CACNA2D4: variants seen among roughly 807,000 people sequenced by gnomAD.
CACNA2D4 encodes the protein calcium voltage-gated channel auxiliary subunit alpha2delta 4.
In CACNA2D4, 157 loss-of-function variants were observed where a neutral mutation model predicts 163.8. That is an observed-to-expected ratio of 0.96 (90% CI 0.84 to 1.09). CACNA2D4 has a LOEUF of 1.09. CACNA2D4 is among the 50% of genes least tolerant of loss of function. The pLI, the probability that CACNA2D4 is intolerant of heterozygous loss-of-function variation, is 0.00. For missense variants in CACNA2D4, 1,410 were observed against 1,479.9 expected (o/e 0.95, Z 0.78); for synonymous variants, 598 against 586.9 (o/e 1.02, Z -0.27).
chr12:1,904,319 A>G (rs1376405668), intron 6 of CACNA2D4, among the ~76,000 whole-genome samples: 1 of 152,050 alleles, frequency 6.6e-6, no homozygotes, highest in African/African-American at 2.4e-5. Flanking sequence ...CAACAGGGTA[A>G]CTATAGTTAG....
At position 1,860,169 on chromosome 12, in the gene CACNA2D4, G is replaced by A. The variant is rs368279074; in HGVS notation, c.1916C>T (p.Thr639Met). ...CCTGAAAGGGGTGTCGCTGATGTCC[G>A]TGAAGAAGTAGTCATTGGTCAGGAA... ...VLFLTNDYFF[T>M]DISDTPFSLG... The change falls in exon 19 of 38, where the codon ACG becomes ATG. Residue 639 changes from threonine (T) to methionine (M), a missense_variant. Transcript: ENST00000382722. 8.7e-6 allele frequency: 14 copies of A among 1,613,530 alleles called. No individual in the cohort carries two copies. Among genetic ancestry groups the A allele is most frequent in the African/African-American group, 1.3e-5 (1 of 74,926 alleles).
chr12:1,855,950 C>A, intron 22 of CACNA2D4, 62 bp downstream of exon 22: 2 of 1,329,794 alleles, frequency 1.5e-6, no homozygotes, highest in East Asian at 2.3e-5. Flanking sequence ...CCTCTCCTGG[C>A]AAAGTCCTGA....
chr12:1,819,452 C>T (rs1864007836), intron 26 of CACNA2D4, among the ~76,000 whole-genome samples: 1 of 152,100 alleles, frequency 6.6e-6, no homozygotes, highest in African/African-American at 2.4e-5. Context: ...TACACCCACC[C>T]CAGTCCTGGC....
intron 26 of CACNA2D4, 28 bp from the exon 27 acceptor site, chr12:1,811,751 G>A (rs1212823557): frequency 6.4e-7 from 1 of 1,554,944 alleles, no homozygotes; most frequent in Non-Finnish European, 8.7e-7. Context: ...AGAGGGCAAG[G>A]CCAGGGAAGA....
intron 2 of CACNA2D4, among the ~76,000 whole-genome samples, chr12:1,914,109 C>A (rs1157959005): frequency 6.6e-6 from 1 of 152,102 alleles, no homozygotes; most frequent in Non-Finnish European, 1.5e-5. Context: ...GTGGGCAGGG[C>A]AGTTGAGCAG....
rs1555177895 is a variant in CACNA2D4 at position 1,826,410 on chromosome 12, C to CG, written c.2551+14328_2551+14329insC. ...AGATTTGAACCCAGAGCCCCCCCCC[C>CG]CCCCCCGCCAACTGGCACCAGGAGC... On this transcript the variant is annotated intron_variant, in intron 26 of 37. Transcript: ENST00000382722. Among the ~76,000 whole-genome samples the CG allele has an allele frequency of 1.2e-3, 93 of 79,318 alleles. 1 individual carries two copies. Among genetic ancestry groups the CG allele is most frequent in the African/African-American group, 2.4e-3 (68 of 28,410 alleles). 52.0% of individuals were successfully genotyped at this position (79,318 alleles called of 152,430 possible). A position where few individuals can be genotyped will look rare whatever the true frequency, so the allele number is the denominator to read the frequency against.
chr12:1,824,716 A>G (rs963424857), intron 26 of CACNA2D4, among the ~76,000 whole-genome samples: 9 of 152,098 alleles, frequency 5.9e-5, no homozygotes, highest in Middle Eastern at 3.2e-3. Flanking sequence ...AAGCTTCCCA[A>G]TGTAGGTCAC....
chr12:1,814,206 G>T (rs1863804431), intron 26 of CACNA2D4, among the ~76,000 whole-genome samples: 1 of 152,146 alleles, frequency 6.6e-6, no homozygotes, highest in Non-Finnish European at 1.5e-5. Flanking sequence ...AGAATCATGA[G>T]ATTTCTGAGC....
At chr12:1,801,982 G>A (rs1259884854) in intron 29 of CACNA2D4, among the ~76,000 whole-genome samples, 1 of 151,448 alleles carries the variant, frequency 6.6e-6, no homozygotes, top group East Asian at 1.9e-4. Flanking sequence ...CAAGGTTAAA[G>A]AATGTTTTAT....
At chr12:1,910,064 C>A (rs1009604283) in intron 3 of CACNA2D4, 99 bp from the exon 4 acceptor site, 41 of 926,398 alleles carry the variant, frequency 4.4e-5, no homozygotes, top group Non-Finnish European at 6.3e-5. Context: ...CAATCCCACT[C>A]CTGGGTGTAT....
rs151330218 is a variant in CACNA2D4, at chr12:1,827,967, C to T, written c.2551+12772G>A. On this transcript the variant is annotated intron_variant, in intron 26 of 37. Transcript: ENST00000382722. ...CCCAGGGAATCATAACTGAGAGGAA[C>T]AGGAGAGGGCATGAGGAGTGTAAAG... 18 of 439,840 alleles carry T rather than the reference C, an allele frequency of 4.1e-5. No homozygotes were observed. The East Asian group carries it at 5.6e-4, about 14-fold the overall frequency. 27.2% of individuals were successfully genotyped at this position (439,840 alleles called of 1,614,324 possible). A position where few individuals can be genotyped will look rare whatever the true frequency, so the allele number is the denominator to read the frequency against.
At chr12:1,897,186 G>A (rs1364318006) in intron 6 of CACNA2D4, among the ~76,000 whole-genome samples, 1 of 152,150 alleles carries the variant, frequency 6.6e-6, no homozygotes, top group Non-Finnish European at 1.5e-5. Context: ...GATCTCATGG[G>A]GGTAGAGAGT....
At chr12:1,850,405 C>T (rs1865246570) in intron 23 of CACNA2D4, among the ~76,000 whole-genome samples, 1 of 152,236 alleles carries the variant, frequency 6.6e-6, no homozygotes, top group African/African-American at 2.4e-5. Flanking sequence ...CTGAACTGTT[C>T]GTATTTCTTG....
chr12:1,844,106 A>G lies in CACNA2D4; in HGVS notation c.2470+296T>C, dbSNP rs1240896845. On this transcript the variant is annotated intron_variant, in intron 25 of 37. Transcript: ENST00000382722. This position sits in a 1 kb window ranked among gnomAD's most constrained non-coding sequence, Gnocchi z 4.2. ...CTTAGAGATGGACTCTTCTGATCTCATATTTGGAATTGGGGCTAGAATCCC... is the reference window on the plus strand; with the variant it reads ...CTTAGAGATGGACTCTTCTGATCTCGTATTTGGAATTGGGGCTAGAATCCC... Among the ~76,000 whole-genome samples, 1 of 152,182 alleles carries G rather than the reference A, an allele frequency of 6.6e-6. No homozygotes were observed. Among genetic ancestry groups the G allele is most frequent in the Non-Finnish European group, 1.5e-5 (1 of 68,024 alleles).
At chr12:1,911,499 G>T (rs1371080265) in intron 3 of CACNA2D4, among the ~76,000 whole-genome samples, 1 of 151,866 alleles carries the variant, frequency 6.6e-6, no homozygotes, top group Non-Finnish European at 1.5e-5. Flanking sequence ...GATAATTCCT[G>T]CCTCCCCACT....
chr12:1,845,990 GTC>G (rs1156451380), intron 24 of CACNA2D4, among the ~76,000 whole-genome samples: 1 of 152,198 alleles, frequency 6.6e-6, no homozygotes, highest in East Asian at 1.9e-4. Flanking sequence ...GGAGGCCTAA[GTC>G]TTCCATGGCC....
In CACNA2D4 at chr12:1,874,894, A is replaced by C. The variant is rs565687524; in HGVS notation, c.1807-219T>G. ...CAAGATCCCACTCCCATGTGCACTG[A>C]TGCATTGGGGTACAGAGTGCCAAGT... On this transcript the variant is annotated intron_variant, in intron 17 of 37. Transcript: ENST00000382722. The surrounding 1 kb of genome is among the most constrained non-coding windows in gnomAD (Gnocchi z 4.4). 1.3e-5 allele frequency among the ~76,000 whole-genome samples: 2 copies of C among 152,282 alleles called. No homozygotes were observed. Among genetic ancestry groups the C allele is most frequent in the African/African-American group, 4.8e-5 (2 of 41,546 alleles).
At position 1,908,037 on chromosome 12, in the gene CACNA2D4, A is replaced by C; in HGVS notation, c.487T>G (p.Phe163Val). 4 of 1,608,854 alleles carry C rather than the reference A, an allele frequency of 2.5e-6. No homozygotes were observed. Among genetic ancestry groups the C allele is most frequent in the Non-Finnish European group, 3.4e-6 (4 of 1,176,080 alleles). Reference sequence around the variant, plus strand: ...ATCAGGACCGAGTTGTAATAGTCGAACTGGGGTGGACGGGTGAGGCCCACG... The same window carrying C: ...ATCAGGACCGAGTTGTAATAGTCGACCTGGGGTGGACGGGTGAGGCCCACG... The part of the protein sequence containing the change: ...LNHEFNESLV[F>V]DYYNSVLINE... Residue 163 changes from phenylalanine to valine, a missense_variant and splice_region_variant, in exon 5 of 38, where the codon TTC becomes GTC. Phe to Val is a conservative substitution (Grantham distance 50). Coordinates refer to ENST00000382722, the MANE Select transcript of CACNA2D4 (RefSeq NM_172364.5).
At chr12:1,889,907 A>C (rs1045533273) in intron 6 of CACNA2D4, among the ~76,000 whole-genome samples, 1 of 152,230 alleles carries the variant, frequency 6.6e-6, no homozygotes, top group Non-Finnish European at 1.5e-5. Flanking sequence ...AAGGACAAAA[A>C]TAGCAGGTAG....
Sources: allele counts gnomAD v4.1 joint callset (sites outside exome capture counted in the v4.1 genomes callset), GRCh38; gene constraint gnomAD v4.1.1; non-coding constraint Gnocchi (gnomAD v3.1); transcripts MANE v1.5; gene names NCBI Gene and HGNC (gene_info 2026-07-23, HGNC 2026-07-21).